CYFIP2: variants seen among roughly 807,000 people sequenced by gnomAD.
CYFIP2 encodes cytoplasmic FMR1-interacting protein 2.
Under a neutral mutation model 158.7 loss-of-function variants are expected in CYFIP2, and 29 were observed. That is an observed-to-expected ratio of 0.18 (90% confidence interval 0.14 to 0.25). The LOEUF (loss-of-function observed/expected upper bound fraction) is 0.25, where lower values mean the gene tolerates loss of function less well. Ranked by LOEUF, CYFIP2 falls within the 10% of genes least tolerant of loss-of-function variation. The pLI, the probability that CYFIP2 is intolerant of heterozygous loss-of-function variation, is 1.00. For synonymous variants in CYFIP2, 585 were observed against 617.6 expected (o/e 0.95, Z 0.78); for missense variants, 852 against 1,639.5 (o/e 0.52, Z 8.29).
In CYFIP2 at chr5:157,311,444, T is replaced by C. The variant is rs1316921813; in HGVS notation, c.993-220T>C. 1 of 571,128 alleles carries C rather than the reference T, an allele frequency of 1.8e-6. No individual in the cohort carries two copies. Among genetic ancestry groups the C allele is most frequent in the African/African-American group, 1.9e-5 (1 of 53,134 alleles). 35.4% of individuals were successfully genotyped at this position (571,128 alleles called of 1,614,324 possible). A position where few individuals can be genotyped will look rare whatever the true frequency, so the allele number is the denominator to read the frequency against. On this transcript the variant is annotated intron_variant, in intron 10 of 30. Transcript: ENST00000620254. The surrounding 1 kb of genome is among the most constrained non-coding windows in gnomAD (Gnocchi z 4.7). ...GAAAGGCCTACAGTTGGATCCTAGA[T>C]GAGGCTGGCACCAAAGAGGAGGAGG...
At chr5:157,372,750 C>A (rs960821204) in intron 26 of CYFIP2, among the ~76,000 whole-genome samples, 4 of 152,150 alleles carry the variant, frequency 2.6e-5, no homozygotes, top group South Asian at 2.1e-4. Context: ...GTTTAAGATC[C>A]AAGAAAGACA....
intron 3 of CYFIP2, among the ~76,000 whole-genome samples, chr5:157,292,509 G>A (rs113481084): frequency 0.02 from 2,990 of 152,264 alleles, 105 homozygotes; most frequent in African/African-American, 0.069. Flanking sequence ...GTGAGCCACC[G>A]CGCCTGGCCA....
In CYFIP2 at chr5:157,311,729, G is replaced by A. The variant is rs990110659; in HGVS notation, c.1058G>A (p.Arg353Gln). The change falls in exon 11 of 31, where the codon CGG (arginine) becomes CAG (glutamine). Residue 353 changes from arginine (R) to glutamine (Q), a missense_variant. Around this residue, in one of 8 missense-constraint regions of CYFIP2, gnomAD observed 133 missense variants for 197.1 expected, o/e 0.67. Coordinates refer to ENST00000620254, the MANE Select transcript of CYFIP2 (RefSeq NM_001037333.3). The surrounding 1 kb of genome is among the most constrained non-coding windows in gnomAD (Gnocchi z 4.7). ...YNICEQMVQI[R>Q]DDHIRFISEL... ...ATCTGCGAGCAGATGGTTCAGATCC[G>A]GGATGACCACATCCGCTTCATCTCC... is the stretch of plus-strand genomic sequence containing the variant. The A allele has an allele frequency of 7.5e-6, 12 of 1,609,186 alleles. No homozygotes were observed. The highest frequency in any genetic ancestry group is 8.5e-6 in the Non-Finnish European group (10 of 1,177,886).
intron 8 of CYFIP2, 38 bp from the exon 9 acceptor site, chr5:157,307,723 G>A: frequency 2.2e-6 from 3 of 1,334,852 alleles, no homozygotes; most frequent in South Asian, 2.5e-5. Flanking sequence ...TCCAGCAGAT[G>A]TGATTAGTTT....
chr5:157,350,719 A>G (rs1231034725), intron 23 of CYFIP2, among the ~76,000 whole-genome samples: 2 of 152,216 alleles, frequency 1.3e-5, no homozygotes, highest in East Asian at 1.9e-4. Context: ...TGCTTTTGGC[A>G]GTGTTGTCAT....
chr5:157,274,660 A>G (rs1474345810), intron 1 of CYFIP2, among the ~76,000 whole-genome samples: 1 of 152,214 alleles, frequency 6.6e-6, no homozygotes, highest in East Asian at 1.9e-4. Flanking sequence ...CGATTTTCCA[A>G]AGTTGCGGCA....
At chr5:157,306,323 A>G (rs1581020540) in intron 8 of CYFIP2, among the ~76,000 whole-genome samples, 2 of 152,080 alleles carry the variant, frequency 1.3e-5, no homozygotes, top group East Asian at 3.9e-4. Context: ...TATCCCTCTC[A>G]CCACTGGTGC....
chr5:157,347,305 GAAA>G (rs11447275), intron 23 of CYFIP2, among the ~76,000 whole-genome samples: 2 of 134,174 alleles, frequency 1.5e-5, no homozygotes, highest in Non-Finnish European at 3.2e-5. Context: ...TTTTCCCTTG[GAAA>G]AAAAAAAAAA....
rs956581566 is a variant in CYFIP2 at position 157,311,039 on chromosome 5, A to G, written c.993-625A>G. On this transcript the variant is annotated intron_variant, in intron 10 of 30. Transcript: ENST00000620254. The surrounding 1 kb of genome is among the most constrained non-coding windows in gnomAD (Gnocchi z 4.7). The stretch of plus-strand genomic sequence containing the variant: ...ATGACATCTTTTCACAAGGCGTGGA[A>G]AAAAGGCGGAGGGAAGGAGGAAAGA... The G allele has an allele frequency of 2.2e-6, 1 of 455,304 alleles. No homozygotes were observed. Among genetic ancestry groups the G allele is most frequent in the Non-Finnish European group, 4.4e-6 (1 of 226,654 alleles). The allele number at this position is 455,304 out of a possible 1,614,324, so 28.2% of individuals were successfully genotyped here. A position where few individuals can be genotyped will look rare whatever the true frequency, so the allele number is the denominator to read the frequency against.
intron 3 of CYFIP2, among the ~76,000 whole-genome samples, chr5:157,289,268 G>A (rs1261379443): frequency 2.0e-5 from 3 of 152,226 alleles, no homozygotes; most frequent in Non-Finnish European, 4.4e-5. Flanking sequence ...AAGAGCTGGT[G>A]TGAGCAAAGG....
rs1761725683 is a variant in CYFIP2, at chr5:157,334,701, G to C, written c.2385+1255G>C. Among the ~76,000 whole-genome samples, 3 of 151,734 alleles carry C rather than the reference G, an allele frequency of 2.0e-5. No individual in the cohort carries two copies. In the South Asian group the frequency reaches 6.2e-4, roughly 32 times the overall value. On this transcript the variant is annotated intron_variant, in intron 21 of 30. Coordinates refer to ENST00000620254, the MANE Select transcript of CYFIP2 (RefSeq NM_001037333.3). Reference sequence around the variant, plus strand: ...GAGTTCCATTTAAAAAAAAAAAAGTGAATGATACTTTTCAAAAGTGCGCAG... The same window carrying C: ...GAGTTCCATTTAAAAAAAAAAAAGTCAATGATACTTTTCAAAAGTGCGCAG...
At chr5:157,301,680 G>C (rs1758761086) in intron 6 of CYFIP2, among the ~76,000 whole-genome samples, 1 of 152,154 alleles carries the variant, frequency 6.6e-6, no homozygotes, top group South Asian at 2.1e-4. Context: ...TATAATCCTA[G>C]CACTTTGGGA....
rs1767183531 is a variant in CYFIP2, at chr5:157,390,561, A to G, written c.3487A>G (p.Ile1163Val). ...GDGLNWAGCS[I>V]IVLLGQQRRF... ...TGGCTTGAACTGGGCTGGTTGCTCCATCATTGTCCTGCTGGGCCAGCAGCG... is the reference window on the plus strand; with the variant it reads ...TGGCTTGAACTGGGCTGGTTGCTCCGTCATTGTCCTGCTGGGCCAGCAGCG... The change falls in exon 30 of 31, where the codon ATC becomes GTC. Residue 1163 changes from isoleucine (I) to valine (V), a missense_variant. This residue lies in a region of CYFIP2 where 223 missense variants were observed against 381.6 expected (regional missense o/e 0.58). Coordinates refer to ENST00000620254, the MANE Select transcript of CYFIP2 (RefSeq NM_001037333.3). 1 of 1,551,876 alleles carries G rather than the reference A, an allele frequency of 6.4e-7. No homozygotes were observed. Among genetic ancestry groups the G allele is most frequent in the South Asian group, 1.2e-5 (1 of 84,136 alleles).
At chr5:157,297,432 C>T (rs1005800372) in intron 5 of CYFIP2, among the ~76,000 whole-genome samples, 1 of 152,192 alleles carries the variant, frequency 6.6e-6, no homozygotes, top group African/African-American at 2.4e-5. Context: ...GATTTTTCAC[C>T]TTGAAAATGA....
chr5:157,342,360 T>C (rs1407734619), intron 23 of CYFIP2: 1 of 153,186 alleles, frequency 6.5e-6, no homozygotes, highest in Admixed American at 6.5e-5. Flanking sequence ...TGGTATGTGA[T>C]TGCCTAAAAG....
Position 157,352,001 on chromosome 5 carries a change from T to C in CYFIP2, c.2674-7004T>C, listed in dbSNP as rs112548073. ...CAAGAGCTCTGTCACTTAGAGATGATGCTCAATAAAACAAAACTTTAACAA... is the reference window on the plus strand; with the variant it reads ...CAAGAGCTCTGTCACTTAGAGATGACGCTCAATAAAACAAAACTTTAACAA... On this transcript the variant is annotated intron_variant, in intron 23 of 30. Transcript: ENST00000620254. Among the ~76,000 whole-genome samples the C allele has an allele frequency of 1.3e-3, 203 of 152,318 alleles. 1 individual carries two copies. Among genetic ancestry groups the C allele is most frequent in the African/African-American group, 4.6e-3 (191 of 41,576 alleles).
chr5:157,357,289 C>T (rs1763475713), intron 23 of CYFIP2, among the ~76,000 whole-genome samples: 1 of 152,198 alleles, frequency 6.6e-6, no homozygotes, highest in Admixed American at 6.5e-5. Flanking sequence ...ATAATTCATA[C>T]ATACGTACCT....
intron 24 of CYFIP2, 59 bp downstream of exon 24, chr5:157,359,207 G>A: frequency 6.3e-7 from 1 of 1,598,328 alleles, no homozygotes; most frequent in African/African-American, 1.3e-5. Context: ...CATAAACAAA[G>A]TTTGCTTTTA....
chr5:157,282,846 T>G (rs917522672), intron 1 of CYFIP2, among the ~76,000 whole-genome samples: 1 of 152,224 alleles, frequency 6.6e-6, no homozygotes, highest in African/African-American at 2.4e-5. Flanking sequence ...TGGATTTTCC[T>G]TATTGAAAAT....
Sources: allele counts gnomAD v4.1 joint callset (sites outside exome capture counted in the v4.1 genomes callset), GRCh38; gene constraint gnomAD v4.1.1; regional missense constraint gnomAD v4.1.1; non-coding constraint Gnocchi (gnomAD v3.1); transcripts MANE v1.5; gene names NCBI Gene and HGNC (gene_info 2026-07-23, HGNC 2026-07-21).